The following CCDC85C variants were observed in gnomAD, a reference collection of about 807,000 sequenced individuals.
CCDC85C encodes the protein coiled-coil domain-containing protein 85C.
A neutral mutation model predicts 38.3 loss-of-function variants in CCDC85C; 18 were observed. That is an observed-to-expected ratio of 0.47 (90% CI 0.33 to 0.70). CCDC85C has a LOEUF of 0.70. CCDC85C is among the 30% of genes least tolerant of loss of function. The pLI, the probability that CCDC85C is intolerant of heterozygous loss-of-function variation, is 0.03. For synonymous variants in CCDC85C, 264 were observed against 293.8 expected (o/e 0.90, Z 1.04); for missense variants, 566 against 621.2 (o/e 0.91, Z 0.94).
At chr14:99,575,387 C>T (rs1158374642) in intron 1 of CCDC85C, among the ~76,000 whole-genome samples, 1 of 152,176 alleles carries the variant, frequency 6.6e-6, no homozygotes, top group Non-Finnish European at 1.5e-5. Context: ...TCAGCTGGCA[C>T]CAGCGCCCAG....
chr14:99,552,627 C>T (rs12887707), intron 1 of CCDC85C, among the ~76,000 whole-genome samples: 2 of 151,940 alleles, frequency 1.3e-5, no homozygotes, highest in Non-Finnish European at 2.9e-5. Flanking sequence ...GGAGCTGTTG[C>T]TGTCTGAGGT....
intron 1 of CCDC85C, among the ~76,000 whole-genome samples, chr14:99,539,142 G>A (rs996541614): frequency 6.6e-6 from 1 of 152,148 alleles, no homozygotes; most frequent in Non-Finnish European, 1.5e-5. Flanking sequence ...AAATATTTTA[G>A]ACCATCCAGT....
In CCDC85C at chr14:99,507,082, C is replaced by G. The variant is rs775111606; in HGVS notation, c.*8164G>C. 132 of 1,604,388 alleles carry G rather than the reference C, an allele frequency of 8.2e-5. No individual in the cohort carries two copies. Among genetic ancestry groups the G allele is most frequent in the Non-Finnish European group, 1.0e-4 (118 of 1,171,390 alleles). ...ATCTGCTTTTTCTTTGTAGAACCAC[C>G]ACCACCTAAAATCCCCAAAATTGAG... On this transcript the variant is annotated 3_prime_UTR_variant, in exon 6 of 6. Coordinates refer to ENST00000380243, the MANE Select transcript of CCDC85C (RefSeq NM_001144995.2).
At chr14:99,534,135 C>T (rs1897545769) in intron 2 of CCDC85C, among the ~76,000 whole-genome samples, 1 of 152,072 alleles carries the variant, frequency 6.6e-6, no homozygotes, top group Non-Finnish European at 1.5e-5. Context: ...GTGAGAGGAT[C>T]ACCTGAGGTC....
intron 1 of CCDC85C, among the ~76,000 whole-genome samples, chr14:99,565,046 G>C (rs750445515): frequency 6.6e-6 from 1 of 152,212 alleles, no homozygotes; most frequent in Non-Finnish European, 1.5e-5. Context: ...CGCGGCCTCT[G>C]ATCATGCAGC....
chr14:99,597,400 G>A (rs533969119), intron 1 of CCDC85C, among the ~76,000 whole-genome samples: 5 of 152,270 alleles, frequency 3.3e-5, no homozygotes, highest in Non-Finnish European at 7.4e-5. Flanking sequence ...CAGTTGTAAT[G>A]TGGGGCGTGT....
chr14:99,525,077 T>C (rs1287700551), intron 2 of CCDC85C, among the ~76,000 whole-genome samples: 1 of 152,182 alleles, frequency 6.6e-6, no homozygotes, highest in Non-Finnish European at 1.5e-5. Flanking sequence ...ATGAGTGTCC[T>C]GGACTAGGGA....
At chr14:99,522,067 C>T (rs181176812) in intron 3 of CCDC85C, 66 bp downstream of exon 3, 7 of 1,290,858 alleles carry the variant, frequency 5.4e-6, no homozygotes, top group Non-Finnish European at 7.6e-6. Flanking sequence ...CCGGGCAGGT[C>T]ACTGGCCCGC....
In CCDC85C at chr14:99,573,483, G is replaced by C. The variant is rs1418040762; in HGVS notation, c.793+29684C>G. Among the ~76,000 whole-genome samples the C allele has an allele frequency of 3.9e-5, 6 of 152,230 alleles. No individual in the cohort carries two copies. In the East Asian group the frequency reaches 9.6e-4, roughly 24 times the overall value. ...GAAAACCAGCTGAGGCCATGCCTTT[G>C]AGGTCCGGCGCTCCTCCCCCACCCT... On this transcript the variant is annotated intron_variant, in intron 1 of 5. Coordinates refer to ENST00000380243, the MANE Select transcript of CCDC85C (RefSeq NM_001144995.2).
rs538955169 is a variant in CCDC85C at position 99,523,475 on chromosome 14, G to A, written c.868-1235C>T. 2.7e-4 allele frequency among the ~76,000 whole-genome samples: 41 copies of A among 152,316 alleles called. No homozygotes were observed. In the East Asian group the frequency reaches 7.2e-3, roughly 27 times the overall value. On this transcript the variant is annotated intron_variant, in intron 2 of 5. Coordinates refer to ENST00000380243, the MANE Select transcript of CCDC85C (RefSeq NM_001144995.2). ...TTGGCTCAAGGGCCAGCAAACAGCC[G>A]TGTCCTGCGGGGGTGAGGAGGCAAG...
chr14:99,524,642 G>A (rs1897349463), intron 2 of CCDC85C, among the ~76,000 whole-genome samples: 1 of 152,238 alleles, frequency 6.6e-6, no homozygotes, highest in Non-Finnish European at 1.5e-5. Flanking sequence ...CATCAAATGA[G>A]TAACCATTAT....
In CCDC85C at chr14:99,603,935, C is replaced by G; in HGVS notation, c.25G>C (p.Ala9Pro). Residue 9 changes from alanine to proline, a missense_variant, in exon 1 of 6, where the codon GCG (alanine) becomes CCG (proline). By Grantham distance (27) the Ala-to-Pro change is conservative (BLOSUM62 -1). Coordinates refer to ENST00000380243, the MANE Select transcript of CCDC85C (RefSeq NM_001144995.2). The surrounding 1 kb of genome is among the most constrained non-coding windows in gnomAD (Gnocchi z 7.5). Reference protein sequence around the residue: MAKPAATAAAASEELSQVP... With the variant: MAKPAATAPAASEELSQVP... Reference sequence around the variant, plus strand: ...TGGCTCAGCTCCTCCGACGCCGCCGCCGCCGTCGCCGCGGGCTTAGCCATG... The same window carrying G: ...TGGCTCAGCTCCTCCGACGCCGCCGGCGCCGTCGCCGCGGGCTTAGCCATG... 7.1e-7 allele frequency: 1 copy of G among 1,411,044 alleles called. No individual in the cohort carries two copies. Among genetic ancestry groups the G allele is most frequent in the Non-Finnish European group, 9.2e-7 (1 of 1,088,048 alleles). The allele number at this position is 1,411,044 out of a possible 1,614,324, so 87.4% of individuals were successfully genotyped here.
chr14:99,504,145 T>C lies in CCDC85C; in HGVS notation c.*11101A>G. 3.4e-6 allele frequency: 1 copy of C among 292,514 alleles called. No individual in the cohort carries two copies. Among genetic ancestry groups the C allele is most frequent in the Non-Finnish European group, 7.0e-6 (1 of 143,208 alleles). 18.1% of individuals were successfully genotyped at this position (292,514 alleles called of 1,614,324 possible). A position where few individuals can be genotyped will look rare whatever the true frequency, so the allele number is the denominator to read the frequency against. On this transcript the variant is annotated 3_prime_UTR_variant, in exon 6 of 6. Transcript: ENST00000380243. The stretch of plus-strand genomic sequence containing the variant: ...GTCTAGAACCCAAAGTTAGTTCATG[T>C]CAATATTGGAAATAAACAGAAGGAG...
intron 1 of CCDC85C, among the ~76,000 whole-genome samples, chr14:99,577,983 G>A (rs1332304830): frequency 7.8e-6 from 1 of 128,868 alleles, no homozygotes; most frequent in African/African-American, 3.0e-5. Flanking sequence ...TGTATCCATC[G>A]GTGTGTTTGT....
Position 99,502,096 on chromosome 14 carries a change from A to G in CCDC85C, c.*13150T>C. 8.4e-7 allele frequency: 1 copy of G among 1,185,446 alleles called. No individual in the cohort carries two copies. 73.4% of individuals were successfully genotyped at this position (1,185,446 alleles called of 1,614,324 possible). On this transcript the variant is annotated 3_prime_UTR_variant, in exon 6 of 6. Coordinates refer to ENST00000380243, the MANE Select transcript of CCDC85C (RefSeq NM_001144995.2). ...TTATTTATTTATAGTACTTTAATTAAATTTAGGGGAGAATAAGCAAATTAA... is the reference window on the plus strand; with the variant it reads ...TTATTTATTTATAGTACTTTAATTAGATTTAGGGGAGAATAAGCAAATTAA...
rs1897036213 is a variant in CCDC85C at position 99,508,649 on chromosome 14, T to A, written c.*6597A>T. The A allele has an allele frequency of 6.6e-6, 1 of 152,514 alleles. No homozygotes were observed. Among genetic ancestry groups the A allele is most frequent in the African/African-American group, 2.4e-5 (1 of 41,420 alleles). 9.4% of individuals were successfully genotyped at this position (152,514 alleles called of 1,614,324 possible). ...GTCAGCAGTGATGTTTAGGGAGCAG[T>A]TTGGTGGCAGTGTGTGGGACTTGGT... On this transcript the variant is annotated 3_prime_UTR_variant, in exon 6 of 6. Transcript: ENST00000380243.
intron 1 of CCDC85C, among the ~76,000 whole-genome samples, chr14:99,585,809 C>T (rs778750932): frequency 6.6e-6 from 1 of 152,180 alleles, no homozygotes; most frequent in Non-Finnish European, 1.5e-5. Context: ...AAGACCTCCT[C>T]ACCCAGGGCC....
intron 1 of CCDC85C, among the ~76,000 whole-genome samples, chr14:99,595,412 A>C (rs911137362): frequency 2.6e-5 from 4 of 152,040 alleles, no homozygotes; most frequent in African/African-American, 7.2e-5. Flanking sequence ...ACACCTGGTT[A>C]ATTTTTGTAT....
Position 99,521,316 on chromosome 14 carries a change from A to C in CCDC85C, c.975+817T>G, listed in dbSNP as rs539712576. Reference sequence around the variant, plus strand: ...GGCTCTACAGCTGCATTCCTGGAGAAGGTGGAAGGGCAGCAAAAGAGAAAT... The same window carrying C: ...GGCTCTACAGCTGCATTCCTGGAGACGGTGGAAGGGCAGCAAAAGAGAAAT... On this transcript the variant is annotated intron_variant, in intron 3 of 5. Coordinates refer to ENST00000380243, the MANE Select transcript of CCDC85C (RefSeq NM_001144995.2). Among the ~76,000 whole-genome samples, 311 of 152,360 alleles carry C rather than the reference A, an allele frequency of 2.0e-3. 1 individual carries two copies. Among genetic ancestry groups the C allele is most frequent in the African/African-American group, 7.0e-3 (292 of 41,586 alleles).
Sources: gnomAD v4.1 joint callset for allele counts (sites outside exome capture counted in the v4.1 genomes callset) on GRCh38, gnomAD v4.1.1 for gene constraint, Gnocchi (gnomAD v3.1) non-coding constraint, MANE v1.5 for transcripts, NCBI Gene and HGNC (gene_info 2026-07-23, HGNC 2026-07-21) for gene names.